CCDC148: variants seen among roughly 807,000 people sequenced by gnomAD.
CCDC148 encodes the protein coiled-coil domain containing 148.
In CCDC148, 89 loss-of-function variants were observed where a neutral mutation model predicts 85.7. The observed-to-expected ratio is 1.04, with a 90% CI of 0.87 to 1.24. CCDC148 has a LOEUF of 1.24. Ranked by LOEUF, CCDC148 falls within the 50% of genes most tolerant of loss-of-function variation. The pLI, the probability that CCDC148 is intolerant of heterozygous loss-of-function variation, is 0.00. For missense variants in CCDC148, 692 were observed against 671.7 expected (o/e 1.03, Z -0.33); for synonymous variants, 230 against 213.9 (o/e 1.08, Z -0.66).
intron 1 of CCDC148, among the ~76,000 whole-genome samples, chr2:158,423,795 G>A (rs1258175346): frequency 6.6e-6 from 1 of 152,116 alleles, no homozygotes; most frequent in African/African-American, 2.4e-5. Context: ...CAGAATGGGA[G>A]AAAATTTTTG....
Position 158,199,396 on chromosome 2 carries a change from C to T in CCDC148, c.1371-20400G>A, listed in dbSNP as rs1685838016. ...ACTAGCTGGGATTATAGGCATCCGC[C>T]ACCACCCCTGGCTAATTTTAGTATT... On this transcript the variant is annotated intron_variant, in intron 11 of 13. Transcript: ENST00000283233. 2.0e-5 allele frequency among the ~76,000 whole-genome samples: 3 copies of T among 152,084 alleles called. No homozygotes were observed. In the South Asian group the frequency reaches 6.2e-4, roughly 32 times the overall value.
chr2:158,372,812 C>CT (rs892566179), intron 1 of CCDC148, among the ~76,000 whole-genome samples: 1 of 152,054 alleles, frequency 6.6e-6, no homozygotes, highest in Non-Finnish European at 1.5e-5. Flanking sequence ...CCAGGACAAT[C>CT]TAACTCTTGA....
At chr2:158,227,301 A>C (rs1340097875) in intron 10 of CCDC148, among the ~76,000 whole-genome samples, 1 of 149,902 alleles carries the variant, frequency 6.7e-6, no homozygotes, top group South Asian at 2.1e-4. Context: ...TCAATGAAAT[A>C]AAAGAGGATA....
intron 7 of CCDC148, among the ~76,000 whole-genome samples, chr2:158,316,784 C>T (rs1559066101): frequency 1.3e-5 from 2 of 152,262 alleles, no homozygotes; most frequent in South Asian, 2.1e-4. Flanking sequence ...ACATACCCTA[C>T]GTATATACTG....
chr2:158,356,266 A>C (rs1345608841), intron 2 of CCDC148, among the ~76,000 whole-genome samples: 2 of 143,814 alleles, frequency 1.4e-5, no homozygotes, highest in South Asian at 2.2e-4. Flanking sequence ...TGCACAGCAA[A>C]AGAAACTACC....
chr2:158,176,769 T>C (rs1684610245), intron 12 of CCDC148, 108 bp from the exon 13 acceptor site: 3 of 1,298,162 alleles, frequency 2.3e-6, no homozygotes, highest in South Asian at 2.7e-5. Context: ...TTATTAAAGG[T>C]AAAGCCTGAG....
In CCDC148 at chr2:158,171,715, A is replaced by G. The variant is rs904314383; in HGVS notation, c.*398T>C. ...AAGTATTAATGATAATGAAGCTTCC[A>G]TAATTAAAAAGTCAAATTCTGAAAT... On this transcript the variant is annotated 3_prime_UTR_variant, in exon 14 of 14. Transcript: ENST00000283233. 8.5e-5 allele frequency: 13 copies of G among 152,852 alleles called. No individual in the cohort carries two copies. The highest frequency in any genetic ancestry group is 3.1e-4 in the African/African-American group (13 of 41,572). 9.5% of individuals were successfully genotyped at this position (152,852 alleles called of 1,614,324 possible). A position where few individuals can be genotyped will look rare whatever the true frequency, so the allele number is the denominator to read the frequency against.
intron 1 of CCDC148, among the ~76,000 whole-genome samples, chr2:158,455,239 C>G (rs879346010): frequency 6.6e-6 from 1 of 152,154 alleles, no homozygotes; most frequent in Non-Finnish European, 1.5e-5. Context: ...TGATGGCCAG[C>G]CATGGCACAG....
At position 158,220,621 on chromosome 2, in the gene CCDC148, A is replaced by C. The variant is rs1030405373; in HGVS notation, c.1344T>G (p.Ala448=). 6.2e-7 allele frequency: 1 copy of C among 1,604,936 alleles called. No homozygotes were observed. Among genetic ancestry groups the C allele is most frequent in the Non-Finnish European group, 8.5e-7 (1 of 1,177,710 alleles). ...QRLEELKKLI[A]EQSLKDRERV... ...TTTCTCTGTCTTTTAGTGACTGTTCAGCGATTAATTTCTTCAGTTCTTCTA... is the reference window on the plus strand; with the variant it reads ...TTTCTCTGTCTTTTAGTGACTGTTCCGCGATTAATTTCTTCAGTTCTTCTA... The change falls in exon 11 of 14, where the codon GCT becomes GCG. Residue 448 remains alanine, a synonymous_variant. Transcript: ENST00000283233.
At chr2:158,214,041 G>A (rs538090844) in intron 11 of CCDC148, among the ~76,000 whole-genome samples, 3 of 150,758 alleles carry the variant, frequency 2.0e-5, no homozygotes, top group Non-Finnish European at 4.4e-5. Context: ...GGGCTAAGTG[G>A]CAACGTTTTG....
intron 7 of CCDC148, among the ~76,000 whole-genome samples, chr2:158,330,641 A>G (rs1293778628): frequency 2.0e-5 from 3 of 152,020 alleles, no homozygotes; most frequent in African/African-American, 7.2e-5. Context: ...CTGGTCCTGG[A>G]CTTTTTTTTG....
chr2:158,203,440 G>A (rs1686072033), intron 11 of CCDC148, among the ~76,000 whole-genome samples: 1 of 152,114 alleles, frequency 6.6e-6, no homozygotes, highest in Non-Finnish European at 1.5e-5. Context: ...TCTGGCCAGT[G>A]AGGATTTTCC....
chr2:158,402,957 T>A (rs1321046435), intron 1 of CCDC148, among the ~76,000 whole-genome samples: 1 of 152,068 alleles, frequency 6.6e-6, no homozygotes, highest in African/African-American at 2.4e-5. Context: ...AATTAAACAA[T>A]GTGGCTTCTT....
At chr2:158,444,242 C>T (rs943683120) in intron 1 of CCDC148, among the ~76,000 whole-genome samples, 12 of 151,914 alleles carry the variant, frequency 7.9e-5, no homozygotes. Flanking sequence ...ATGACTGAAT[C>T]TTATTAATTT....
rs370929327 is a variant in CCDC148 at position 158,364,267 on chromosome 2, A to G, written c.26-5697T>C. ...AATTTATAGATTCAATGCTATCCCTATCAAGCTACCACTGACTTTCTTCAC... is the reference window on the plus strand; with the variant it reads ...AATTTATAGATTCAATGCTATCCCTGTCAAGCTACCACTGACTTTCTTCAC... On this transcript the variant is annotated intron_variant, in intron 1 of 13. Coordinates refer to ENST00000283233, the MANE Select transcript of CCDC148 (RefSeq NM_138803.4). 1.3e-4 allele frequency among the ~76,000 whole-genome samples: 20 copies of G among 152,350 alleles called. 1 individual carries two copies. The South Asian group carries it at 1.4e-3, about 11-fold the overall frequency.
intron 10 of CCDC148, among the ~76,000 whole-genome samples, chr2:158,227,839 A>G (rs1409222437): frequency 6.6e-6 from 1 of 152,220 alleles, no homozygotes; most frequent in African/African-American, 2.4e-5. Flanking sequence ...TGTTAGACCT[A>G]AAACCATAAA....
intron 1 of CCDC148, among the ~76,000 whole-genome samples, chr2:158,423,585 A>G (rs1686914528): frequency 6.6e-6 from 1 of 152,206 alleles, no homozygotes; most frequent in African/African-American, 2.4e-5. Context: ...TTAAAGACTT[A>G]AATGTTAGAC....
chr2:158,186,651 CT>C (rs1490986901), intron 11 of CCDC148, among the ~76,000 whole-genome samples: 1 of 152,036 alleles, frequency 6.6e-6, no homozygotes, highest in Non-Finnish European at 1.5e-5. Flanking sequence ...CAGATACCGT[CT>C]TTTTTTCTTT....
At chr2:158,336,031 T>C (rs976534472) in intron 7 of CCDC148, among the ~76,000 whole-genome samples, 4 of 152,212 alleles carry the variant, frequency 2.6e-5, no homozygotes, top group African/African-American at 9.6e-5. Flanking sequence ...CCCCTGGATA[T>C]TTCAACTTTC....
Sources: gnomAD v4.1 joint callset for allele counts (sites outside exome capture counted in the v4.1 genomes callset) on GRCh38, gnomAD v4.1.1 for gene constraint, MANE v1.5 for transcripts, NCBI Gene and HGNC (gene_info 2026-07-23, HGNC 2026-07-21) for gene names.